The following RHOBTB3 variants were observed in gnomAD, a reference collection of about 807,000 sequenced individuals.
RHOBTB3 encodes the protein Rho related BTB domain containing 3.
A neutral mutation model predicts 67.2 loss-of-function variants in RHOBTB3; 47 were observed. The observed-to-expected ratio is 0.70, with a 90% CI of 0.55 to 0.89. The LOEUF (loss-of-function observed/expected upper bound fraction) is 0.89, where lower values mean the gene tolerates loss of function less well. RHOBTB3 is among the 40% of genes least tolerant of loss of function. RHOBTB3 has a pLI of 0.00. For missense variants in RHOBTB3, 631 were observed against 750.0 expected, an observed-to-expected ratio of 0.84 and a Z score of 1.85; for synonymous variants, 273 against 274.2, an observed-to-expected ratio of 1.00 and a Z score of 0.04.
chr5:95,745,924 G>C (rs2112788292), intron 3 of RHOBTB3, among the ~76,000 whole-genome samples: 1 of 152,022 alleles, frequency 6.6e-6, no homozygotes, highest in African/African-American at 2.4e-5. Context: ...ATATAGGAAT[G>C]GTTCAAAAGA....
Position 95,755,527 on chromosome 5 carries a change from A to T in RHOBTB3, c.814A>T (p.Ile272Phe), listed in dbSNP as rs779429428. 1 of 1,614,216 alleles carries T rather than the reference A, an allele frequency of 6.2e-7. No individual in the cohort carries two copies. Among genetic ancestry groups the T allele is most frequent in the Non-Finnish European group, 8.5e-7 (1 of 1,180,042 alleles). The change falls in exon 6 of 12, where the codon ATC (isoleucine) becomes TTC (phenylalanine). Residue 272 changes from isoleucine to phenylalanine, a missense_variant. By Grantham distance (21) the Ile-to-Phe change is conservative. Transcript: ENST00000379982. ...AAAGAAAGTTGTAGAGGCCCACAAG[A>T]TCGTTCTCTGCGCTGTAAGCCATGT... is the stretch of plus-strand genomic sequence containing the variant. Reference protein sequence around the residue: ...NLKKVVEAHKIVLCAVSHVFM... With the variant: ...NLKKVVEAHKFVLCAVSHVFM...
In RHOBTB3 at chr5:95,768,151, G is replaced by A. The variant is rs1745604578; in HGVS notation, c.1267G>A (p.Val423Ile). The stretch of plus-strand genomic sequence containing the variant: ...TAATAAGCCGATGCTTGCCGATGTT[G>A]TCTTCGAAATTCAAGGTACGGATCA... ...FLNKPMLADV[V>I]FEIQGTTVPA... The change falls in exon 8 of 12, where the codon GTC becomes ATC. Residue 423 changes from valine (V) to isoleucine (I), a missense_variant. Physicochemically the swap from Val to Ile is conservative, Grantham distance 29 (BLOSUM62 3). Transcript: ENST00000379982. 1 of 1,612,220 alleles carries A rather than the reference G, an allele frequency of 6.2e-7. No individual in the cohort carries two copies. The highest frequency in any genetic ancestry group is 1.1e-5 in the South Asian group (1 of 90,522).
intron 5 of RHOBTB3, among the ~76,000 whole-genome samples, chr5:95,754,953 A>C (rs1365401222): frequency 6.6e-6 from 1 of 152,178 alleles, no homozygotes; most frequent in Non-Finnish European, 1.5e-5. Context: ...GGTTCTTTGG[A>C]ACTTATTCAG....
intron 7 of RHOBTB3, among the ~76,000 whole-genome samples, chr5:95,764,164 A>G (rs1050924766): frequency 1.3e-5 from 2 of 152,208 alleles, no homozygotes; most frequent in African/African-American, 4.8e-5. Context: ...TCATGTCTTT[A>G]AAATGCTCGT....
upstream of RHOBTB3, among the ~76,000 whole-genome samples, chr5:95,726,407 C>G (rs772052417): frequency 6.6e-6 from 1 of 152,160 alleles, no homozygotes; most frequent in African/African-American, 2.4e-5. Flanking sequence ...CTTAAACATG[C>G]TAGAAACTTT....
Position 95,742,665 on chromosome 5 carries a change from G to A in RHOBTB3, c.415+5590G>A, listed in dbSNP as rs562704214. ...TTCACACATTAGTTCTGCTGGGTCT[G>A]TTCTGCTATTCTGCCTTATTAAATT... On this transcript the variant is annotated intron_variant, in intron 3 of 11. Coordinates refer to ENST00000379982, the MANE Select transcript of RHOBTB3 (RefSeq NM_014899.4). 1.6e-3 allele frequency among the ~76,000 whole-genome samples: 243 copies of A among 152,234 alleles called. 1 individual carries two copies. Among genetic ancestry groups the A allele is most frequent in the African/African-American group, 5.4e-3 (223 of 41,536 alleles).
At chr5:95,738,325 AT>A (rs1454699044) in intron 3 of RHOBTB3, among the ~76,000 whole-genome samples, 1 of 152,084 alleles carries the variant, frequency 6.6e-6, no homozygotes, top group East Asian at 1.9e-4. Context: ...TTTCCTATTC[AT>A]TCTTCAGTCC....
At chr5:95,785,198 A>G (rs1476290790) in intron 10 of RHOBTB3, among the ~76,000 whole-genome samples, 1 of 152,238 alleles carries the variant, frequency 6.6e-6, no homozygotes, top group Admixed American at 6.5e-5. Context: ...TGAAGCATCT[A>G]GGTCTTCTCC....
chr5:95,787,453 TAAA>T (rs34798964), intron 10 of RHOBTB3, among the ~76,000 whole-genome samples: 133 of 148,146 alleles, frequency 9.0e-4, no homozygotes, highest in African/African-American at 2.3e-3. Context: ...TATACAGCTT[TAAA>T]AAAAAAAAAA....
intron 10 of RHOBTB3, among the ~76,000 whole-genome samples, chr5:95,787,019 G>A (rs142987971): frequency 6.8e-4 from 103 of 152,228 alleles, no homozygotes; most frequent in Middle Eastern, 3.4e-3. Context: ...TCCTGGAAGC[G>A]GAAAGCTTAT....
Position 95,753,233 on chromosome 5 carries a change from ATGTGTG to A in RHOBTB3, c.682+911_682+916del, listed in dbSNP as rs57615515. On this transcript the variant is annotated intron_variant, in intron 5 of 11. Transcript: ENST00000379982. ...TGTATGTGTGTGTGTTGATGTGTGG[ATGTGTG>A]TGTGTGTGTGTGTGTGTGTGTGTGT... is the stretch of plus-strand genomic sequence containing the variant. 8.6e-3 allele frequency among the ~76,000 whole-genome samples: 1,257 copies of A among 146,382 alleles called. 9 individuals carry two copies. The highest frequency in any genetic ancestry group is 0.012 in the Non-Finnish European group (786 of 65,626).
chr5:95,789,010 CAATT>C (rs1746300293), intron 11 of RHOBTB3, 152 bp downstream of exon 11: 2 of 545,936 alleles, frequency 3.7e-6, no homozygotes, highest in African/African-American at 2.0e-5. Flanking sequence ...ATTGAGGAAA[CAATT>C]TATAGTCACC....
chr5:95,732,027 G>A lies in RHOBTB3; in HGVS notation c.171G>A (p.Glu57=), dbSNP rs1755285652. The change falls in exon 2 of 12, where the codon GAG becomes GAA. Residue 57 remains glutamate (E), a synonymous_variant. Transcript: ENST00000379982. ...CGGTCGCGCGTCCGGTGTTCACCGA[G>A]TATCAGGCCAGTGCGTTTGGGAATG... ...ASTVARPVFT[E]YQASAFGNVK... The A allele has an allele frequency of 6.2e-7, 1 of 1,614,202 alleles. No individual in the cohort carries two copies. The highest frequency in any genetic ancestry group is 1.1e-5 in the South Asian group (1 of 91,082).
chr5:95,750,182 A>C (rs1745048519), intron 4 of RHOBTB3, among the ~76,000 whole-genome samples: 1 of 152,234 alleles, frequency 6.6e-6, no homozygotes. Context: ...AGGAGCATTG[A>C]AAATCTGCAT....
In RHOBTB3 at chr5:95,764,778, C is replaced by A. The variant is rs150433725; in HGVS notation, c.1161+1158C>A. On this transcript the variant is annotated intron_variant, in intron 7 of 11. Transcript: ENST00000379982. Reference sequence around the variant, plus strand: ...AAGTTAATGTTTTACAAAAATGAAACTGTACTAGCTTTTAGTGAAGATTCT... The same window carrying A: ...AAGTTAATGTTTTACAAAAATGAAAATGTACTAGCTTTTAGTGAAGATTCT... Among the ~76,000 whole-genome samples the A allele has an allele frequency of 4.3e-4, 66 of 152,172 alleles. No individual in the cohort carries two copies. The East Asian group carries it at 8.9e-3, about 20-fold the overall frequency.
At chr5:95,772,441 G>C (rs760029179) in intron 8 of RHOBTB3, among the ~76,000 whole-genome samples, 5 of 152,086 alleles carry the variant, frequency 3.3e-5, no homozygotes, top group Non-Finnish European at 4.4e-5. Flanking sequence ...TACTCGATTA[G>C]GTATTTACTT....
Position 95,731,587 on chromosome 5 carries a change from G to A in RHOBTB3, c.-96G>A. On this transcript the variant is annotated 5_prime_UTR_variant, in exon 1 of 12. The change abolishes an upstream ATG in the 5' untranslated region. Coordinates refer to ENST00000379982, the MANE Select transcript of RHOBTB3 (RefSeq NM_014899.4). Reference sequence around the variant, plus strand: ...GCGCGAGGGGGACGCGGCCGGGGATGAGCGGATTGCGGGTGAACTCGCCGC... The same window carrying A: ...GCGCGAGGGGGACGCGGCCGGGGATAAGCGGATTGCGGGTGAACTCGCCGC... 6.4e-7 allele frequency: 1 copy of A among 1,571,094 alleles called. No homozygotes were observed.
At chr5:95,773,773 GACC>G (rs1745789169) in intron 8 of RHOBTB3, among the ~76,000 whole-genome samples, 1 of 152,160 alleles carries the variant, frequency 6.6e-6, no homozygotes, top group Non-Finnish European at 1.5e-5. Context: ...TAAAATATGT[GACC>G]ACCAGCCCAC....
At chr5:95,783,602 A>G in intron 9 of RHOBTB3, 195 bp from the exon 10 acceptor site, 1 of 331,208 alleles carries the variant, frequency 3.0e-6, no homozygotes. Context: ...GAAGAAAGGA[A>G]AGAAAAAAAA....
Sources: gnomAD v4.1 joint callset for allele counts (sites outside exome capture counted in the v4.1 genomes callset) on GRCh38, gnomAD v4.1.1 for gene constraint, MANE v1.5 for transcripts, NCBI Gene and HGNC (gene_info 2026-07-23, HGNC 2026-07-21) for gene names.